The following MAGEC3 variants were observed in gnomAD, a reference collection of about 807,000 sequenced individuals.
The protein encoded by MAGEC3 is melanoma-associated antigen C3.
In MAGEC3, 34 loss-of-function variants were observed where a neutral mutation model predicts 35.3. The observed-to-expected ratio is 0.96, with a 90% CI of 0.73 to 1.28. MAGEC3 has a LOEUF of 1.28. Ranked by LOEUF, MAGEC3 falls within the 50% of genes most tolerant of loss-of-function variation. The pLI, the probability that MAGEC3 is intolerant of heterozygous loss-of-function variation, is 0.00. For synonymous variants in MAGEC3, 202 were observed against 185.6 expected (o/e 1.09, Z -0.72); for missense variants, 561 against 483.6 (o/e 1.16, Z -1.50).
chrX:141,865,873 A>C (rs192898326), intron 2 of MAGEC3, among the ~76,000 whole-genome samples: 94 of 111,846 alleles, frequency 8.4e-4, no homozygotes, highest in Non-Finnish European at 1.0e-3. Context: ...AGATGGACTG[A>C]GCTTCAAAGA....
chrX:141,895,847 T>G (rs7056984), intron 6 of MAGEC3, among the ~76,000 whole-genome samples: 1,669 of 109,983 alleles, frequency 0.015, 38 homozygotes, highest in African/African-American at 0.049. Context: ...GCCCTGCTGG[T>G]GATAAGAGTG....
chrX:141,865,904 C>G (rs1018132322), intron 2 of MAGEC3, among the ~76,000 whole-genome samples: 6 of 111,684 alleles, frequency 5.4e-5, no homozygotes, highest in African/African-American at 9.8e-5. Flanking sequence ...TCGTGTGAAT[C>G]CTGAGAGGTC....
At chrX:141,889,272 T>C (rs1418313071) in intron 4 of MAGEC3, among the ~76,000 whole-genome samples, 1 of 111,649 alleles carries the variant, frequency 9.0e-6, no homozygotes, top group Non-Finnish European at 1.9e-5. Context: ...GTTCAATATA[T>C]GGTATTGTTT....
intron 1 of MAGEC3, among the ~76,000 whole-genome samples, chrX:141,862,928 T>C (rs969003540): frequency 1.8e-5 from 2 of 111,554 alleles, no homozygotes; most frequent in Non-Finnish European, 3.8e-5. Flanking sequence ...ATTTTCAAAA[T>C]AGCTAGAAGA....
chrX:141,855,179 C>T (rs1268534078), intron 1 of MAGEC3, among the ~76,000 whole-genome samples: 2 of 110,713 alleles, frequency 1.8e-5, no homozygotes, highest in African/African-American at 3.3e-5. Flanking sequence ...GTGCAACTGA[C>T]ACTAGCCGGA....
chrX:141,865,606 G>T lies in MAGEC3; in HGVS notation c.258+1G>T. On this transcript the variant is annotated splice_donor_variant, in intron 2 of 7. Transcript: ENST00000298296. LOFTEE classifies it high-confidence loss of function. ...TGTCCTCTGCCCCACATACTTCAAG[G>T]TAAGGACTCTAAGGAAAGACTGAGG... 1 of 1,200,269 alleles carries T rather than the reference G, an allele frequency of 8.3e-7. No homozygotes were observed. The highest frequency in any genetic ancestry group is 3.0e-5 in the East Asian group (1 of 33,411).
chrX:141,842,832 A>G (rs1339687801), intron 1 of MAGEC3, among the ~76,000 whole-genome samples: 1 of 111,492 alleles, frequency 9.0e-6, no homozygotes, highest in African/African-American at 3.3e-5. Context: ...ATTGTTAGCT[A>G]TATAACATTG....
At chrX:141,871,748 A>G (rs759341833) in intron 2 of MAGEC3, among the ~76,000 whole-genome samples, 1 of 111,642 alleles carries the variant, frequency 9.0e-6, no homozygotes, top group South Asian at 3.8e-4. Context: ...AGACATGGAG[A>G]AAGGGACATG....
chrX:141,864,316 C>CA (rs3972654), intron 1 of MAGEC3, among the ~76,000 whole-genome samples: 3,423 of 32,248 alleles, frequency 0.11, 272 homozygotes, highest in African/African-American at 0.21. Flanking sequence ...CTCATCTCTA[C>CA]AAAAAAAAAA....
rs1602635507 is a variant in MAGEC3, at chrX:141,897,235, T to C, written c.1477T>C (p.Tyr493His). ...GACTGTCATCAAGAAGTATAAGGACTATTTTCCCATGATCTTCGGGAAAGC... is the reference window on the plus strand; with the variant it reads ...GACTGTCATCAAGAAGTATAAGGACCATTTTCCCATGATCTTCGGGAAAGC... ...LTTVIKKYKD[Y>H]FPMIFGKAHE... The change falls in exon 7 of 8, where the codon TAT (tyrosine) becomes CAT (histidine). Residue 493 changes from tyrosine (Y) to histidine (H), a missense_variant. Transcript: ENST00000298296. The C allele has an allele frequency of 1.7e-6, 2 of 1,211,921 alleles. No individual in the cohort carries two copies. The highest frequency in any genetic ancestry group is 5.9e-5 in the East Asian group (2 of 33,838).
At chrX:141,855,644 A>G (rs1051279381) in intron 1 of MAGEC3, among the ~76,000 whole-genome samples, 51 of 111,825 alleles carry the variant, frequency 4.6e-4, no homozygotes, top group African/African-American at 1.6e-3. Context: ...GAATCTTAAG[A>G]AGGTTCCATT....
intron 2 of MAGEC3, among the ~76,000 whole-genome samples, chrX:141,867,570 A>G (rs1167288804): frequency 8.9e-6 from 1 of 112,140 alleles, no homozygotes; most frequent in East Asian, 2.8e-4. Context: ...AACTTGCCCA[A>G]AAACCCCTCT....
At chrX:141,877,992 C>G in intron 2 of MAGEC3, among the ~76,000 whole-genome samples, 1 of 111,573 alleles carries the variant, frequency 9.0e-6, no homozygotes, top group African/African-American at 3.3e-5. Flanking sequence ...TCTTACTTTT[C>G]ACGAAATTCT....
Position 141,881,911 on chromosome X carries a change from C to G in MAGEC3, c.909+115C>G. 7.2e-6 allele frequency: 7 copies of G among 965,729 alleles called. No individual in the cohort carries two copies. The South Asian group carries it at 1.3e-4, about 18-fold the overall frequency. The allele number at this position is 965,729 out of a possible 1,213,427, so 79.6% of individuals were successfully genotyped here. ...ACATGTGCCCAGTAGTGCTCCTCCA[C>G]GTTATGAATTCCTGTGGGGTCCTAG... On this transcript the variant is annotated intron_variant, in intron 4 of 7. Coordinates refer to ENST00000298296, the MANE Select transcript of MAGEC3 (RefSeq NM_138702.1).
intron 4 of MAGEC3, among the ~76,000 whole-genome samples, chrX:141,891,477 C>T (rs1044095207): frequency 6.4e-5 from 7 of 109,732 alleles, no homozygotes; most frequent in Non-Finnish European, 1.1e-4. Flanking sequence ...TAATGCTTTT[C>T]TTACAAATAA....
chrX:141,860,295 G>A (rs1231222288), intron 1 of MAGEC3, among the ~76,000 whole-genome samples: 2 of 111,778 alleles, frequency 1.8e-5, no homozygotes, highest in Non-Finnish European at 3.8e-5. Flanking sequence ...AACAAGTATA[G>A]TTGGCACTTT....
intron 6 of MAGEC3, among the ~76,000 whole-genome samples, chrX:141,895,996 C>T (rs424352): frequency 1.0e-3 from 112 of 108,974 alleles, no homozygotes; most frequent in Admixed American, 6.2e-3. Context: ...GAGTTTTGGC[C>T]AGAAGAGTGG....
intron 1 of MAGEC3, among the ~76,000 whole-genome samples, chrX:141,854,058 G>A (rs1241413095): frequency 9.0e-6 from 1 of 111,317 alleles, no homozygotes; most frequent in East Asian, 2.9e-4. Context: ...CACTCATTAA[G>A]TTGGCAGATT....
chrX:141,881,007 C>T (rs2017959251), intron 3 of MAGEC3: 1 of 493,593 alleles, frequency 2.0e-6, no homozygotes, highest in African/African-American at 2.3e-5. Context: ...TTCCTAGCGG[C>T]AACTTTGAGA....
Sources: allele counts gnomAD v4.1 joint callset (sites outside exome capture counted in the v4.1 genomes callset), GRCh38; gene constraint gnomAD v4.1.1; transcripts MANE v1.5; gene names NCBI Gene and HGNC (gene_info 2026-07-23, HGNC 2026-07-21).